VPS13B: variants seen among roughly 807,000 people sequenced by gnomAD.
The protein encoded by VPS13B is intermembrane lipid transfer protein VPS13B.
Under a neutral mutation model 426.4 loss-of-function variants are expected in VPS13B, and 285 were observed. The ratio of observed to expected loss-of-function variants is 0.67; its 90% CI spans 0.61 to 0.74. The LOEUF (loss-of-function observed/expected upper bound fraction) is 0.74. Ranked by LOEUF, VPS13B falls within the 30% of genes least tolerant of loss-of-function variation. The pLI is 0.00. For synonymous variants in VPS13B, 1,676 were observed against 1,676.4 expected (o/e 1.00, Z 0.01); for missense variants, 4,537 against 4,782.6 (o/e 0.95, Z 1.51).
At chr8:99,155,816 A>T (rs1226572955) in intron 14 of VPS13B, among the ~76,000 whole-genome samples, 1 of 152,198 alleles carries the variant, frequency 6.6e-6, no homozygotes, top group South Asian at 2.1e-4. Flanking sequence ...GCATTTTGTC[A>T]TATTCTTCTG....
intron 29 of VPS13B, 125 bp downstream of exon 29, chr8:99,511,637 T>C: frequency 2.1e-6 from 2 of 946,396 alleles, no homozygotes; most frequent in Non-Finnish European, 3.1e-6. Flanking sequence ...GTTTGGTATA[T>C]TTTATAGAGA....
chr8:99,271,597 C>G (rs1818610146), intron 17 of VPS13B, among the ~76,000 whole-genome samples: 9 of 152,156 alleles, frequency 5.9e-5, no homozygotes, highest in Admixed American at 5.9e-4. Flanking sequence ...AAAGAACTGC[C>G]TGAGACTGGG....
intron 2 of VPS13B, among the ~76,000 whole-genome samples, chr8:99,037,294 C>T (rs1842787981): frequency 6.6e-6 from 1 of 151,602 alleles, no homozygotes; most frequent in Non-Finnish European, 1.5e-5. Flanking sequence ...GTTGAAGAAA[C>T]AAATTAGGCC....
At chr8:99,393,422 A>G (rs1235891040) in intron 21 of VPS13B, among the ~76,000 whole-genome samples, 2 of 152,154 alleles carry the variant, frequency 1.3e-5, no homozygotes, top group Non-Finnish European at 2.9e-5. Context: ...TACTTTATAA[A>G]ATATGAAAAC....
intron 19 of VPS13B, among the ~76,000 whole-genome samples, chr8:99,309,327 A>C (rs1228834494): frequency 6.6e-6 from 1 of 152,170 alleles, no homozygotes; most frequent in Non-Finnish European, 1.5e-5. Flanking sequence ...CTAACATGTA[A>C]GTCTTTAATC....
intron 4 of VPS13B, among the ~76,000 whole-genome samples, chr8:99,101,459 A>G (rs1348127975): frequency 2.0e-5 from 3 of 152,156 alleles, no homozygotes. Context: ...ATCTGCATTG[A>G]GTAGTAATAA....
chr8:99,405,052 C>A (rs1425897638), intron 21 of VPS13B, among the ~76,000 whole-genome samples: 2 of 152,152 alleles, frequency 1.3e-5, no homozygotes, highest in African/African-American at 2.4e-5. Flanking sequence ...TCTTAATCAT[C>A]TACAAGTTGC....
At position 99,108,335 on chromosome 8, in the gene VPS13B, A is replaced by G. The variant is rs1588045617; in HGVS notation, c.581-2763A>G. Among the ~76,000 whole-genome samples, 7 of 152,290 alleles carry G rather than the reference A, an allele frequency of 4.6e-5. No homozygotes were observed. In the South Asian group the frequency reaches 1.4e-3, roughly 32 times the overall value. ...ACATGTGCGTGTCTTTATGGTAGAA[A>G]GATTTATATTCATAAGCGTGTTGCC... On this transcript the variant is annotated intron_variant, in intron 5 of 61. Transcript: ENST00000357162.
intron 21 of VPS13B, among the ~76,000 whole-genome samples, chr8:99,412,456 TAAG>T (rs1815734573): frequency 6.6e-6 from 1 of 152,220 alleles, no homozygotes. Context: ...CTTATCAGCT[TAAG>T]GAGGTTTTTG....
chr8:99,792,545 G>A (rs1812593016), intron 43 of VPS13B, among the ~76,000 whole-genome samples: 1 of 152,132 alleles, frequency 6.6e-6, no homozygotes, highest in African/African-American at 2.4e-5. Context: ...GCTCCTGCTG[G>A]CCTTGGGAAG....
intron 39 of VPS13B, among the ~76,000 whole-genome samples, chr8:99,723,072 T>C (rs1833195560): frequency 6.6e-6 from 1 of 152,200 alleles, no homozygotes; most frequent in African/African-American, 2.4e-5. Context: ...GAGAGCATAG[T>C]GATTAAGAGG....
intron 61 of VPS13B, among the ~76,000 whole-genome samples, chr8:99,874,160 T>C (rs1817573968): frequency 6.6e-6 from 1 of 152,220 alleles, no homozygotes; most frequent in Non-Finnish European, 1.5e-5. Context: ...AAGGTCAATT[T>C]AGTCCTTGGC....
Position 99,146,804 on chromosome 8 carries a change from C to A in VPS13B, c.1844-1037C>A, listed in dbSNP as rs146716761. 7.0e-3 allele frequency among the ~76,000 whole-genome samples: 1,058 copies of A among 152,150 alleles called. 16 individuals carry two copies. The highest frequency in any genetic ancestry group is 0.024 in the African/African-American group (1,006 of 41,510). On this transcript the variant is annotated intron_variant, in intron 13 of 61. Transcript: ENST00000357162. ...CCCAGGCTTATCTTGAACTCCTGGG[C>A]TCAAACAATCCTGCCTTGGCCTCCC... is the stretch of plus-strand genomic sequence containing the variant.
At chr8:99,392,296 T>C (rs576277870) in intron 21 of VPS13B, among the ~76,000 whole-genome samples, 62 of 152,256 alleles carry the variant, frequency 4.1e-4, no homozygotes, top group African/African-American at 1.5e-3. Context: ...TTCTATAAAA[T>C]AATTTATTTC....
At chr8:99,077,920 G>T (rs1845222704) in intron 3 of VPS13B, among the ~76,000 whole-genome samples, 1 of 151,958 alleles carries the variant, frequency 6.6e-6, no homozygotes, top group African/African-American at 2.4e-5. Context: ...TATCTTAAAA[G>T]ACTTGTCTTC....
chr8:99,025,840 G>T (rs1014858203), intron 2 of VPS13B, among the ~76,000 whole-genome samples: 1 of 152,058 alleles, frequency 6.6e-6, no homozygotes, highest in Admixed American at 6.5e-5. Context: ...TAATTTATTG[G>T]TGAATACTTG....
At position 99,732,316 on chromosome 8, in the gene VPS13B, C is replaced by A. The variant is rs1049279351; in HGVS notation, c.7050+11269C>A. Among the ~76,000 whole-genome samples the A allele has an allele frequency of 5.3e-5, 8 of 152,292 alleles. No homozygotes were observed. The East Asian group carries it at 1.5e-3, about 29-fold the overall frequency. On this transcript the variant is annotated intron_variant, in intron 39 of 61. Coordinates refer to ENST00000357162, the MANE Select transcript of VPS13B (RefSeq NM_152564.5). ...TATGCTACTCTGCCATCCCCAGCAC[C>A]CTTTCCTTCATGGTCCAAGATGGCT...
intron 19 of VPS13B, among the ~76,000 whole-genome samples, chr8:99,311,854 C>A (rs979689412): frequency 1.3e-4 from 20 of 152,138 alleles, no homozygotes; most frequent in Non-Finnish European, 2.6e-4. Flanking sequence ...CTGTGTGCTC[C>A]TGTATTGGGT....
At chr8:99,504,257 A>G (rs1367225096) in intron 27 of VPS13B, among the ~76,000 whole-genome samples, 2 of 152,204 alleles carry the variant, frequency 1.3e-5, no homozygotes, top group Non-Finnish European at 2.9e-5. Flanking sequence ...AAGCTTCCCA[A>G]GGCCTCACCA....
Sources: allele counts gnomAD v4.1 joint callset (sites outside exome capture counted in the v4.1 genomes callset), GRCh38; gene constraint gnomAD v4.1.1; transcripts MANE v1.5; gene names NCBI Gene and HGNC (gene_info 2026-07-23, HGNC 2026-07-21).